The following KIAA1614 variants were observed in gnomAD, a reference collection of about 807,000 sequenced individuals.
KIAA1614 encodes uncharacterized protein KIAA1614.
A neutral mutation model predicts 88.7 loss-of-function variants in KIAA1614; 76 were observed. That is an observed-to-expected ratio of 0.86 (90% CI 0.71 to 1.04). The LOEUF is 1.04. KIAA1614 is among the 50% of genes least tolerant of loss of function. The pLI, the probability that KIAA1614 is intolerant of heterozygous loss-of-function variation, is 0.00. For synonymous variants in KIAA1614, 714 were observed against 675.5 expected, an observed-to-expected ratio of 1.06 and a Z score of -0.88; for missense variants, 1,553 against 1,582.5, an observed-to-expected ratio of 0.98 and a Z score of 0.32.
In KIAA1614 at chr1:180,945,549, C is replaced by CT; in HGVS notation, c.3536dup (p.Trp1180LeufsTer43). ...GCGGCCTTAGCAAACAAGGCAGGGC[C>CT]TTCTGGCTGTGGTCAGAGGCTTTTC... On this transcript the variant is annotated frameshift_variant, in exon 9 of 9. Transcript: ENST00000367588. LOFTEE classifies it low-confidence loss of function (END_TRUNC). 4.3e-6 allele frequency: 7 copies of CT among 1,613,602 alleles called. No individual in the cohort carries two copies. Among genetic ancestry groups the CT allele is most frequent in the Non-Finnish European group, 5.9e-6 (7 of 1,179,930 alleles).
At chr1:180,938,474 G>T in intron 5 of KIAA1614, 81 bp from the exon 6 acceptor site, 1 of 1,485,104 alleles carries the variant, frequency 6.7e-7, no homozygotes, top group South Asian at 1.3e-5. Context: ...CCCTCCCCCT[G>T]TTGCTGGGAA....
rs749202852 is a variant in KIAA1614, at chr1:180,936,086, G to T, written c.2177G>T (p.Gly726Val). Reference sequence around the variant, plus strand: ...TCCCTGGGACCCCAGTGGCAGCCTGGACCAGGGCTGGGAAGTCACCAGCCT... The same window carrying T: ...TCCCTGGGACCCCAGTGGCAGCCTGTACCAGGGCTGGGAAGTCACCAGCCT... The part of the protein sequence containing the change: ...RVSLGPQWQP[G>V]PGLGSHQPHP... Residue 726 changes from glycine to valine, a missense_variant, in exon 5 of 9, where the codon GGA becomes GTA. By Grantham distance (109) the Gly-to-Val change is moderately radical. Transcript: ENST00000367588. 8.7e-6 allele frequency: 14 copies of T among 1,614,096 alleles called. No homozygotes were observed. Among genetic ancestry groups the T allele is most frequent in the Non-Finnish European group, 1.2e-5 (14 of 1,180,034 alleles).
Position 180,936,297 on chromosome 1 carries a change from G to A in KIAA1614, c.2388G>A (p.Gln796=). Residue 796 remains glutamine (Q), a synonymous_variant, in exon 5 of 9, where the codon CAG becomes CAA. Coordinates refer to ENST00000367588, the MANE Select transcript of KIAA1614 (RefSeq NM_020950.2). The part of the protein sequence containing the change: ...AEPSAPHQAW[Q]PTASLCPEGW... ...CTTCTGCCCCACACCAAGCCTGGCAGCCAACAGCTTCCTTGTGTCCTGAAG... is the reference window on the plus strand; with the variant it reads ...CTTCTGCCCCACACCAAGCCTGGCAACCAACAGCTTCCTTGTGTCCTGAAG... 1 of 1,614,192 alleles carries A rather than the reference G, an allele frequency of 6.2e-7. No homozygotes were observed. Among genetic ancestry groups the A allele is most frequent in the African/African-American group, 1.3e-5 (1 of 75,056 alleles).
At chr1:180,913,491 G>A in intron 1 of KIAA1614, among the ~76,000 whole-genome samples, 198 bp downstream of exon 1, 1 of 152,314 alleles carries the variant, frequency 6.6e-6, no homozygotes, top group East Asian at 1.9e-4. Flanking sequence ...ATACATCACA[G>A]TGCTTGGGCC....
Position 180,935,746 on chromosome 1 carries a change from G to C in KIAA1614, c.1837G>C (p.Asp613His), listed in dbSNP as rs760224801. ...VCPAEVDSALDSTDNSDNCRT... is the reference protein window; with the variant it reads ...VCPAEVDSALHSTDNSDNCRT... ...CCCTGCGGAGGTGGACTCTGCCCTG[G>C]ACAGCACAGACAACTCTGACAACTG... The change falls in exon 5 of 9, where the codon GAC becomes CAC. Residue 613 changes from aspartate to histidine, a missense_variant. Physicochemically the swap from Asp to His is moderately conservative, Grantham distance 81. Transcript: ENST00000367588. The surrounding 1 kb of genome is among the most constrained non-coding windows in gnomAD (Gnocchi z 6.1). 6.2e-7 allele frequency: 1 copy of C among 1,613,896 alleles called. No homozygotes were observed. Among genetic ancestry groups the C allele is most frequent in the Non-Finnish European group, 8.5e-7 (1 of 1,179,964 alleles).
chr1:180,935,092 C>G lies in KIAA1614; in HGVS notation c.1206-23C>G. Reference sequence around the variant, plus strand: ...CTCCCCAGGTTTCTGCCCTTGACCTCTCTCCTCCTGTCTCTTCATCAGAGA... The same window carrying G: ...CTCCCCAGGTTTCTGCCCTTGACCTGTCTCCTCCTGTCTCTTCATCAGAGA... On this transcript the variant is annotated intron_variant, in intron 4 of 8. Coordinates refer to ENST00000367588, the MANE Select transcript of KIAA1614 (RefSeq NM_020950.2). The surrounding 1 kb of genome is among the most constrained non-coding windows in gnomAD (Gnocchi z 6.1). 1 of 1,384,172 alleles carries G rather than the reference C, an allele frequency of 7.2e-7. No individual in the cohort carries two copies. Among genetic ancestry groups the G allele is most frequent in the Non-Finnish European group, 9.4e-7 (1 of 1,065,796 alleles). The allele number at this position is 1,384,172 out of a possible 1,614,324, so 85.7% of individuals were successfully genotyped here.
intron 5 of KIAA1614, among the ~76,000 whole-genome samples, chr1:180,938,222 T>C (rs1166774763): frequency 6.6e-6 from 1 of 152,224 alleles, no homozygotes; most frequent in African/African-American, 2.4e-5. Flanking sequence ...ACATGGCTTA[T>C]CATAGTCAAC....
intron 5 of KIAA1614, 124 bp from the exon 6 acceptor site, chr1:180,938,431 C>G (rs2102272599): frequency 1.8e-6 from 2 of 1,086,178 alleles, no homozygotes; most frequent in East Asian, 5.1e-5. Context: ...CTCCACTGCT[C>G]TCCTTGAGCT....
chr1:180,913,222 G>A lies in KIAA1614; in HGVS notation c.-22G>A. On this transcript the variant is annotated 5_prime_UTR_variant, in exon 1 of 9. Transcript: ENST00000367588. ...GGCCTGGGAGGGAGAAGGGGCTGGAGAGGGCCTGGCCTCTCCGAGGGATGG... is the reference window on the plus strand; with the variant it reads ...GGCCTGGGAGGGAGAAGGGGCTGGAAAGGGCCTGGCCTCTCCGAGGGATGG... The A allele has an allele frequency of 7.9e-7, 1 of 1,259,956 alleles. No homozygotes were observed. Among genetic ancestry groups the A allele is most frequent in the Non-Finnish European group, 1.0e-6 (1 of 996,212 alleles). The allele number at this position is 1,259,956 out of a possible 1,614,324, so 78.0% of individuals were successfully genotyped here.
At chr1:180,922,456 T>A (rs1221051383) in intron 3 of KIAA1614, among the ~76,000 whole-genome samples, 1 of 151,990 alleles carries the variant, frequency 6.6e-6, no homozygotes, top group Non-Finnish European at 1.5e-5. Context: ...CGGGTCCCGA[T>A]CTTCAGGCCC....
At chr1:180,924,072 C>T (rs750666759) in intron 3 of KIAA1614, among the ~76,000 whole-genome samples, 58 of 152,238 alleles carry the variant, frequency 3.8e-4, no homozygotes, top group Non-Finnish European at 4.4e-4. Context: ...CTATCACAAA[C>T]CCAGTGCCAC....
At chr1:180,939,993 C>T (rs1654417994) in intron 6 of KIAA1614, among the ~76,000 whole-genome samples, 1 of 152,266 alleles carries the variant, frequency 6.6e-6, no homozygotes, top group African/African-American at 2.4e-5. Flanking sequence ...CCTTCTTCAA[C>T]TCTCAGTTTA....
intron 3 of KIAA1614, among the ~76,000 whole-genome samples, chr1:180,923,063 C>T (rs1304159967): frequency 6.6e-6 from 1 of 152,210 alleles, no homozygotes; most frequent in Non-Finnish European, 1.5e-5. Flanking sequence ...CACGAACAGC[C>T]ATGTGAGGAG....
intron 3 of KIAA1614, among the ~76,000 whole-genome samples, chr1:180,920,105 G>A (rs543703117): frequency 6.6e-6 from 1 of 152,310 alleles, no homozygotes; most frequent in South Asian, 2.1e-4. Context: ...GGTCCCTGCT[G>A]AGTAGACGCC....
rs761354618 is a variant in KIAA1614, at chr1:180,917,111, C to T, written c.997+11C>T. The T allele has an allele frequency of 6.2e-7, 1 of 1,604,258 alleles. No homozygotes were observed. Among genetic ancestry groups the T allele is most frequent in the Non-Finnish European group, 8.5e-7 (1 of 1,173,454 alleles). On this transcript the variant is annotated intron_variant, in intron 2 of 8. Transcript: ENST00000367588. The stretch of plus-strand genomic sequence containing the variant: ...ACACAGCTGCACCAGGTGAAGCTCA[C>T]TGTGTAGGTCCAGGTGGTGGGGGGA...
chr1:180,932,430 G>A (rs965316953), intron 4 of KIAA1614, among the ~76,000 whole-genome samples: 3 of 152,304 alleles, frequency 2.0e-5, no homozygotes, highest in Admixed American at 2.0e-4. Context: ...AGATAAATAT[G>A]TCATTCTACA....
At chr1:180,930,566 A>C (rs1296543834) in intron 4 of KIAA1614, among the ~76,000 whole-genome samples, 1 of 152,240 alleles carries the variant, frequency 6.6e-6, no homozygotes, top group African/African-American at 2.4e-5. Context: ...GATAGCCTCA[A>C]AATAGTCAAG....
intron 4 of KIAA1614, among the ~76,000 whole-genome samples, chr1:180,929,341 T>C (rs1654142925): frequency 6.6e-6 from 1 of 152,130 alleles, no homozygotes; most frequent in African/African-American, 2.4e-5. Context: ...AGCCCAGGGT[T>C]CTGACTCGGT....
intron 6 of KIAA1614, 107 bp downstream of exon 6, chr1:180,938,818 T>C (rs1654390928): frequency 2.0e-6 from 2 of 1,015,304 alleles, no homozygotes; most frequent in African/African-American, 3.2e-5. Context: ...TCCCTGCCCC[T>C]AGTCTTCAGA....
Sources: allele counts gnomAD v4.1 joint callset (sites outside exome capture counted in the v4.1 genomes callset), GRCh38; gene constraint gnomAD v4.1.1; non-coding constraint Gnocchi (gnomAD v3.1); transcripts MANE v1.5; gene names NCBI Gene and HGNC (gene_info 2026-07-23, HGNC 2026-07-21).